Variants in IMMP2L observed in about 807,000 individuals in gnomAD.
IMMP2L encodes the protein inner mitochondrial membrane peptidase subunit 2, also known as mitochondrial inner membrane protease subunit 2.
Under a neutral mutation model 19.3 loss-of-function variants are expected in IMMP2L, and 18 were observed. That is an observed-to-expected ratio of 0.93 (90% CI 0.64 to 1.38). The LOEUF (loss-of-function observed/expected upper bound fraction) is 1.38. IMMP2L is among the 40% of genes most tolerant of loss of function. The probability of loss-of-function intolerance (pLI) is 0.00; values close to 1 mark genes in which losing one functional copy is unlikely to be tolerated. For missense variants in IMMP2L, 233 were observed against 218.2 expected (o/e 1.07, Z -0.43); for synonymous variants, 76 against 73.0 (o/e 1.04, Z -0.21).
chr7:111,361,133 A>T (rs1407615591), intron 3 of IMMP2L, among the ~76,000 whole-genome samples: 1 of 152,064 alleles, frequency 6.6e-6, no homozygotes, highest in Non-Finnish European at 1.5e-5. Context: ...GTAAACAATA[A>T]ACTATATTTA....
intron 1 of IMMP2L, among the ~76,000 whole-genome samples, chr7:111,551,368 ATT>A (rs1849435342): frequency 6.6e-6 from 1 of 152,176 alleles, no homozygotes; most frequent in Admixed American, 6.5e-5. Context: ...CATACTATGT[ATT>A]ACCAAACTGG....
At chr7:111,299,573 G>GAAAAAAAAA (rs71147472) in intron 3 of IMMP2L, among the ~76,000 whole-genome samples, 2 of 118,662 alleles carry the variant, frequency 1.7e-5, no homozygotes, top group Non-Finnish European at 1.9e-5. Flanking sequence ...AGCTGAAGCA[G>GAAAAAAAAA]AAAAAAAAAA....
At chr7:110,729,885 C>A (rs1796137855) in intron 5 of IMMP2L, among the ~76,000 whole-genome samples, 1 of 151,924 alleles carries the variant, frequency 6.6e-6, no homozygotes. Context: ...TGTAACAAAC[C>A]TGCACATCCT....
intron 3 of IMMP2L, among the ~76,000 whole-genome samples, chr7:111,480,043 T>C (rs1435338871): frequency 6.6e-6 from 1 of 151,960 alleles, no homozygotes; most frequent in Non-Finnish European, 1.5e-5. Flanking sequence ...TATCCTACTT[T>C]AAAAAATAAA....
chr7:110,695,734 T>C (rs1393055650), intron 5 of IMMP2L, among the ~76,000 whole-genome samples: 3 of 152,012 alleles, frequency 2.0e-5, no homozygotes, highest in Non-Finnish European at 2.9e-5. Context: ...CTGAGACTAA[T>C]AGTGTAGAGA....
intron 3 of IMMP2L, among the ~76,000 whole-genome samples, chr7:111,464,685 C>T (rs895701183): frequency 2.0e-5 from 3 of 152,118 alleles, no homozygotes; most frequent in Non-Finnish European, 4.4e-5. Flanking sequence ...TTCCCTTGAC[C>T]TACACATTAA....
intron 3 of IMMP2L, among the ~76,000 whole-genome samples, chr7:111,188,957 T>A (rs976301810): frequency 6.6e-6 from 1 of 152,076 alleles, no homozygotes; most frequent in African/African-American, 2.4e-5. Context: ...ACTACAGATA[T>A]GGCTAATAAA....
At chr7:111,458,260 C>G (rs1025800638) in intron 3 of IMMP2L, among the ~76,000 whole-genome samples, 51 of 151,868 alleles carry the variant, frequency 3.4e-4, no homozygotes, top group African/African-American at 1.2e-3. Context: ...CGCCTGTACT[C>G]CCCAGCTACT....
chr7:110,884,009 G>C (rs1809959419), intron 5 of IMMP2L, among the ~76,000 whole-genome samples: 2 of 151,996 alleles, frequency 1.3e-5, no homozygotes, highest in Non-Finnish European at 2.9e-5. Context: ...ATAAATGAAA[G>C]AATTGCTGCA....
chr7:111,065,966 G>T (rs1268033742), intron 3 of IMMP2L, among the ~76,000 whole-genome samples: 1 of 149,210 alleles, frequency 6.7e-6, no homozygotes, highest in Non-Finnish European at 1.5e-5. Flanking sequence ...GCTTTTGTCT[G>T]TCTCCCATAG....
chr7:111,296,817 C>T (rs1303828809), intron 3 of IMMP2L, among the ~76,000 whole-genome samples: 1 of 151,896 alleles, frequency 6.6e-6, no homozygotes, highest in Non-Finnish European at 1.5e-5. Context: ...GTTAAATAAA[C>T]TGTGTTATAG....
chr7:110,786,064 C>G (rs1250126616), intron 5 of IMMP2L, among the ~76,000 whole-genome samples: 1 of 151,842 alleles, frequency 6.6e-6, no homozygotes, highest in Non-Finnish European at 1.5e-5. Context: ...AGGATGCTTA[C>G]TAGATTGCCA....
At chr7:111,145,062 G>A (rs1417674653) in intron 3 of IMMP2L, among the ~76,000 whole-genome samples, 1 of 152,206 alleles carries the variant, frequency 6.6e-6, no homozygotes, top group African/African-American at 2.4e-5. Context: ...CATATGTTGT[G>A]TAGAGTTTGG....
chr7:111,212,481 C>G (rs1398901556), intron 3 of IMMP2L, among the ~76,000 whole-genome samples: 2 of 151,822 alleles, frequency 1.3e-5, no homozygotes, highest in Non-Finnish European at 2.9e-5. Context: ...TGTGGTGGTG[C>G]ACACCTGTGG....
At chr7:110,747,373 A>T (rs1584705024) in intron 5 of IMMP2L, among the ~76,000 whole-genome samples, 1 of 152,336 alleles carries the variant, frequency 6.6e-6, no homozygotes, top group East Asian at 1.9e-4. Context: ...CAACAGAAAA[A>T]GAGGGAATCC....
chr7:110,783,629 A>C (rs1043319914), intron 5 of IMMP2L, among the ~76,000 whole-genome samples: 1 of 151,956 alleles, frequency 6.6e-6, no homozygotes, highest in African/African-American at 2.4e-5. Flanking sequence ...AAGGGTTTTC[A>C]CAGCATTTTA....
At chr7:110,961,665 T>C (rs1250990765) in intron 4 of IMMP2L, among the ~76,000 whole-genome samples, 2 of 151,846 alleles carry the variant, frequency 1.3e-5, no homozygotes, top group East Asian at 1.9e-4. Flanking sequence ...ACAATCCTAA[T>C]ATGCATCAAG....
At chr7:110,697,973 T>C (rs1584534238) in intron 5 of IMMP2L, among the ~76,000 whole-genome samples, 2 of 152,308 alleles carry the variant, frequency 1.3e-5, no homozygotes, top group African/African-American at 4.8e-5. Flanking sequence ...ATTGCTAAAA[T>C]ACTATGGTTA....
chr7:111,058,248 T>G (rs1350604189), intron 3 of IMMP2L, among the ~76,000 whole-genome samples: 1 of 152,160 alleles, frequency 6.6e-6, no homozygotes, highest in Non-Finnish European at 1.5e-5. Flanking sequence ...TCTATTATTA[T>G]GAGTTCAAAC....
Sources: gnomAD v4.1 joint callset for allele counts (sites outside exome capture counted in the v4.1 genomes callset) on GRCh38, gnomAD v4.1.1 for gene constraint, MANE v1.5 for transcripts, NCBI Gene and HGNC (gene_info 2026-07-23, HGNC 2026-07-21) for gene names.